The following CSMD1 variants were observed in gnomAD, a reference collection of about 807,000 sequenced individuals.
The protein encoded by CSMD1 is CUB and Sushi multiple domains 1.
CSMD1 carries 213 observed loss-of-function variants against 417.5 expected under a neutral mutation model. The observed-to-expected ratio is 0.51, with a 90% confidence interval of 0.46 to 0.57. The LOEUF is 0.57. CSMD1 is among the 20% of genes least tolerant of loss of function. The pLI is 0.00. For synonymous variants in CSMD1, 2,862 were observed against 1,736.8 expected (o/e 1.65, Z -16.11); for missense variants, 6,923 against 4,529.7 (o/e 1.53, Z -15.17).
intron 2 of CSMD1, among the ~76,000 whole-genome samples, chr8:4,604,381 T>TTGTGTGTGTGTGTGTGTGTGTG (rs368710127): frequency 1.1e-5 from 1 of 91,554 alleles, no homozygotes; most frequent in African/African-American, 3.2e-5. Context: ...ACAAATAGCA[T>TTGTGTGTGTGTGTGTGTGTGTG]TGTGTGTGTG....
intron 1 of CSMD1, among the ~76,000 whole-genome samples, chr8:4,817,332 AT>A (rs1358515171): frequency 1.3e-5 from 2 of 152,194 alleles, no homozygotes; most frequent in Non-Finnish European, 2.9e-5. Context: ...TCAAGCTCAC[AT>A]TTTTAATATG....
chr8:3,144,239 C>T (rs1452580255), intron 40 of CSMD1, among the ~76,000 whole-genome samples: 3 of 151,910 alleles, frequency 2.0e-5, no homozygotes, highest in African/African-American at 7.2e-5. Flanking sequence ...AGTTTAACCC[C>T]GCACTAACGG....
intron 3 of CSMD1, among the ~76,000 whole-genome samples, chr8:4,307,881 G>A (rs998357734): frequency 2.6e-5 from 4 of 152,198 alleles, no homozygotes; most frequent in African/African-American, 9.6e-5. Context: ...GAAGTGTTCA[G>A]TAGAGAGGAG....
intron 1 of CSMD1, among the ~76,000 whole-genome samples, chr8:4,971,081 T>C (rs1352841706): frequency 6.6e-6 from 1 of 152,066 alleles, no homozygotes; most frequent in African/African-American, 2.4e-5. Context: ...CTGTGACTTT[T>C]TTTGGATCTC....
chr8:3,994,257 T>A lies in CSMD1; in HGVS notation c.818+3646A>T, dbSNP rs572338991. Among the ~76,000 whole-genome samples the A allele has an allele frequency of 2.6e-5, 4 of 152,218 alleles. No individual in the cohort carries two copies. The South Asian group carries it at 8.3e-4, about 32-fold the overall frequency. On this transcript the variant is annotated intron_variant, in intron 5 of 69. Coordinates refer to ENST00000635120, the MANE Select transcript of CSMD1 (RefSeq NM_033225.6). ...ATGGAAGCCTGTTTCTTTTGTTATA[T>A]AAGTTCATATTTTAAAGGGAGTAAA...
intron 10 of CSMD1, among the ~76,000 whole-genome samples, chr8:3,554,308 A>T (rs1423081558): frequency 6.6e-6 from 1 of 152,240 alleles, no homozygotes; most frequent in Admixed American, 6.5e-5. Context: ...AGACCAGTTC[A>T]ACATGAAGTC....
chr8:3,865,903 G>A (rs1805063451), intron 5 of CSMD1, among the ~76,000 whole-genome samples: 1 of 152,200 alleles, frequency 6.6e-6, no homozygotes, highest in African/African-American at 2.4e-5. Context: ...ACAAGTAATT[G>A]TCAAAACCAC....
chr8:3,124,185 G>A (rs1197553372), intron 41 of CSMD1, among the ~76,000 whole-genome samples: 1 of 151,868 alleles, frequency 6.6e-6, no homozygotes, highest in East Asian at 1.9e-4. Flanking sequence ...CAGTACAGTG[G>A]TTTTCATTAT....
intron 51 of CSMD1, among the ~76,000 whole-genome samples, chr8:3,026,931 T>C (rs1486112406): frequency 1.3e-5 from 2 of 152,182 alleles, no homozygotes; most frequent in Non-Finnish European, 2.9e-5. Context: ...TACTCTGATG[T>C]CATTTCCAAA....
At chr8:4,950,559 C>G (rs1369962800) in intron 1 of CSMD1, among the ~76,000 whole-genome samples, 2 of 152,110 alleles carry the variant, frequency 1.3e-5, no homozygotes, top group Non-Finnish European at 2.9e-5. Context: ...AAGCAACTAA[C>G]TTTTTATAAA....
At chr8:4,988,088 CCTGA>C (rs1811272901) in intron 1 of CSMD1, among the ~76,000 whole-genome samples, 1 of 152,146 alleles carries the variant, frequency 6.6e-6, no homozygotes, top group South Asian at 2.1e-4. Flanking sequence ...TCTAGAGAAT[CCTGA>C]CTAATACAGT....
chr8:4,799,595 T>C (rs1462784148), intron 1 of CSMD1, among the ~76,000 whole-genome samples: 2 of 27,986 alleles, frequency 7.1e-5, no homozygotes, highest in Non-Finnish European at 1.3e-4. Flanking sequence ...CAAGACTCCG[T>C]CTCAAAAAAA....
At chr8:3,947,969 G>A (rs979458077) in intron 5 of CSMD1, among the ~76,000 whole-genome samples, 2 of 152,168 alleles carry the variant, frequency 1.3e-5, no homozygotes, top group African/African-American at 4.8e-5. Flanking sequence ...ACTTTGGGAG[G>A]CCAAGGCAGG....
Position 2,955,725 on chromosome 8 carries a change from C to G in CSMD1, c.9858G>C (p.Val3286=), listed in dbSNP as rs769054501. Residue 3286 remains valine, a synonymous_variant, in exon 64 of 70, where the codon GTG becomes GTC. Transcript: ENST00000635120. The stretch of plus-strand genomic sequence containing the variant: ...CGAAAGTAGGAAGATCGATGGCTCT[C>G]ACATCCGCGTGTGCCGGGGTTTCTG... The part of the protein sequence containing the change: ...RQPETPAHAD[V]RAIDLPTFGY... 1 of 1,613,874 alleles carries G rather than the reference C, an allele frequency of 6.2e-7. No individual in the cohort carries two copies. Among genetic ancestry groups the G allele is most frequent in the South Asian group, 1.1e-5 (1 of 91,070 alleles).
chr8:3,311,778 G>C (rs17079887), intron 23 of CSMD1, among the ~76,000 whole-genome samples: 19,668 of 148,874 alleles, frequency 0.13, 1,392 homozygotes, highest in Middle Eastern at 0.17. Context: ...GTACAGAAGC[G>C]TTTATCAATC....
chr8:4,392,218 C>G (rs1473554059), intron 3 of CSMD1, among the ~76,000 whole-genome samples: 3 of 152,120 alleles, frequency 2.0e-5, no homozygotes, highest in Non-Finnish European at 2.9e-5. Context: ...GCAGATCGTT[C>G]TAACATTTTT....
intron 1 of CSMD1, among the ~76,000 whole-genome samples, chr8:4,803,498 G>GCC (rs1585125698): frequency 1.3e-5 from 2 of 152,104 alleles, no homozygotes; most frequent in Non-Finnish European, 2.9e-5. Context: ...GTTGGAATCT[G>GCC]CCCGACATTC....
chr8:4,767,981 T>G (rs962460946), intron 1 of CSMD1, among the ~76,000 whole-genome samples: 1 of 151,906 alleles, frequency 6.6e-6, no homozygotes, highest in Admixed American at 6.6e-5. Context: ...TAGCACAGAG[T>G]GTGGAGCATG....
intron 1 of CSMD1, among the ~76,000 whole-genome samples, chr8:4,656,429 T>C (rs1287780250): frequency 6.6e-6 from 1 of 152,060 alleles, no homozygotes; most frequent in African/African-American, 2.4e-5. Context: ...TGTATCATTA[T>C]ATTATCCACG....
Sources: gnomAD v4.1 joint callset for allele counts (sites outside exome capture counted in the v4.1 genomes callset) on GRCh38, gnomAD v4.1.1 for gene constraint, MANE v1.5 for transcripts, NCBI Gene and HGNC (gene_info 2026-07-23, HGNC 2026-07-21) for gene names.